DLG2: variants seen among roughly 807,000 people sequenced by gnomAD.
DLG2 encodes disks large homolog 2.
Under a neutral mutation model 132.5 loss-of-function variants are expected in DLG2, and 45 were observed. The ratio of observed to expected loss-of-function variants is 0.34; its 90% CI spans 0.27 to 0.44. DLG2 has a LOEUF of 0.44. Ranked by LOEUF, DLG2 falls within the 20% of genes least tolerant of loss-of-function variation. The pLI, the probability that DLG2 is intolerant of heterozygous loss-of-function variation, is 1.00. For synonymous variants in DLG2, 424 were observed against 419.6 expected (o/e 1.01, Z -0.13); for missense variants, 1,045 against 1,196.9 (o/e 0.87, Z 1.87).
chr11:85,424,003 A>C (rs1352468823), intron 3 of DLG2, among the ~76,000 whole-genome samples: 4 of 152,148 alleles, frequency 2.6e-5, no homozygotes, highest in Non-Finnish European at 4.4e-5. Flanking sequence ...CCCCATGGCC[A>C]TTTCCCCATG....
chr11:83,630,517 A>G (rs2063374200), intron 19 of DLG2, among the ~76,000 whole-genome samples: 1 of 152,230 alleles, frequency 6.6e-6, no homozygotes, highest in Non-Finnish European at 1.5e-5. Flanking sequence ...GAAATCCCAC[A>G]TTCCTACAGC....
At chr11:84,407,191 A>C (rs2098857168) in intron 7 of DLG2, among the ~76,000 whole-genome samples, 1 of 152,022 alleles carries the variant, frequency 6.6e-6, no homozygotes, top group African/African-American at 2.4e-5. Context: ...CTAATATGTC[A>C]GGCTCCCCAA....
At chr11:84,757,054 G>A (rs1240662042) in intron 6 of DLG2, among the ~76,000 whole-genome samples, 1 of 152,096 alleles carries the variant, frequency 6.6e-6, no homozygotes, top group Non-Finnish European at 1.5e-5. Flanking sequence ...AATGAACTAA[G>A]AATAATTATG....
At chr11:84,908,903 T>A (rs928410908) in intron 6 of DLG2, among the ~76,000 whole-genome samples, 9 of 151,634 alleles carry the variant, frequency 5.9e-5, no homozygotes, top group Admixed American at 4.6e-4. Context: ...GTATCCCATC[T>A]TACAGCTGAA....
intron 4 of DLG2, among the ~76,000 whole-genome samples, chr11:85,191,918 A>T (rs1359891734): frequency 6.6e-6 from 1 of 152,222 alleles, no homozygotes. Context: ...TTTGAGGCTC[A>T]GAAGTGTGAA....
intron 6 of DLG2, among the ~76,000 whole-genome samples, chr11:85,034,244 A>AT: frequency 6.6e-6 from 1 of 151,670 alleles, no homozygotes; most frequent in Non-Finnish European, 1.5e-5. Flanking sequence ...TGCCCGGCTA[A>AT]TTTTTTTGTA....
intron 7 of DLG2, among the ~76,000 whole-genome samples, chr11:84,270,778 G>A (rs528896091): frequency 7.9e-5 from 12 of 152,198 alleles, no homozygotes; most frequent in Admixed American, 3.3e-4. Flanking sequence ...TAAGATTAAC[G>A]ACATCAATAT....
chr11:83,675,846 T>G (rs1260940279), intron 18 of DLG2, among the ~76,000 whole-genome samples: 1 of 152,198 alleles, frequency 6.6e-6, no homozygotes, highest in Non-Finnish European at 1.5e-5. Flanking sequence ...TCCTTCTTTC[T>G]TCTCCCCTAG....
At chr11:83,981,821 T>C (rs1045380436) in intron 11 of DLG2, among the ~76,000 whole-genome samples, 1 of 152,238 alleles carries the variant, frequency 6.6e-6, no homozygotes, top group Non-Finnish European at 1.5e-5. Flanking sequence ...CGATTGTCTC[T>C]TTTAAGAGAT....
intron 6 of DLG2, among the ~76,000 whole-genome samples, chr11:84,569,785 G>A (rs2099473284): frequency 1.3e-5 from 2 of 152,114 alleles, no homozygotes; most frequent in Non-Finnish European, 2.9e-5. Flanking sequence ...TTAAGATTGA[G>A]GCCAATTATG....
At chr11:84,500,747 G>A (rs917960859) in intron 7 of DLG2, among the ~76,000 whole-genome samples, 1 of 152,126 alleles carries the variant, frequency 6.6e-6, no homozygotes, top group East Asian at 1.9e-4. Context: ...GGTACACTGG[G>A]ATCAGAAACC....
intron 18 of DLG2, among the ~76,000 whole-genome samples, chr11:83,671,607 G>T (rs1449743076): frequency 6.6e-6 from 1 of 152,050 alleles, no homozygotes; most frequent in Non-Finnish European, 1.5e-5. Flanking sequence ...GGGGAGGAAG[G>T]GAAGAGAAAC....
chr11:83,699,720 T>C (rs2082552226), intron 18 of DLG2, among the ~76,000 whole-genome samples: 1 of 136,916 alleles, frequency 7.3e-6, no homozygotes, highest in South Asian at 2.3e-4. Flanking sequence ...AAAAAAAACA[T>C]AATAATAATT....
intron 6 of DLG2, among the ~76,000 whole-genome samples, chr11:84,934,515 G>GGTTGTTTTTTTTTTT (rs1566441569): frequency 2.5e-5 from 1 of 40,478 alleles, no homozygotes; most frequent in East Asian, 1.2e-3. Context: ...TTTTTTTTTT[G>GGTTGTTTTTTTTTTT]TTTTGTTTTG....
At chr11:83,998,830 G>A (rs1277286235) in intron 11 of DLG2, among the ~76,000 whole-genome samples, 3 of 152,134 alleles carry the variant, frequency 2.0e-5, no homozygotes, top group African/African-American at 7.2e-5. Flanking sequence ...CAGGGCTAAG[G>A]TGCAAGAGAA....
chr11:83,508,403 ATTTTT>A (rs746968613), intron 21 of DLG2, among the ~76,000 whole-genome samples: 2 of 80,238 alleles, frequency 2.5e-5, no homozygotes, highest in Admixed American at 1.3e-4. Flanking sequence ...CGCCTGGCTA[ATTTTT>A]TTTTTTTTTT....
At chr11:84,101,799 G>A (rs936552422) in intron 9 of DLG2, among the ~76,000 whole-genome samples, 1 of 152,142 alleles carries the variant, frequency 6.6e-6, no homozygotes, top group African/African-American at 2.4e-5. Flanking sequence ...ATTAATGAGA[G>A]TAGGGAAGGA....
At chr11:85,611,170 A>G (rs542823608) in intron 2 of DLG2, among the ~76,000 whole-genome samples, 2 of 152,344 alleles carry the variant, frequency 1.3e-5, no homozygotes, top group African/African-American at 4.8e-5. Context: ...AAATTGATGT[A>G]GTAGCAAAAG....
chr11:84,987,216 A>G (rs1306969039), intron 6 of DLG2, among the ~76,000 whole-genome samples: 1 of 152,146 alleles, frequency 6.6e-6, no homozygotes, highest in African/African-American at 2.4e-5. Flanking sequence ...GAGGTGAAAG[A>G]CCTCTAGCAA....
Sources: allele counts gnomAD v4.1 joint callset (sites outside exome capture counted in the v4.1 genomes callset), GRCh38; gene constraint gnomAD v4.1.1; transcripts MANE v1.5; gene names NCBI Gene and HGNC (gene_info 2026-07-23, HGNC 2026-07-21).